Variants in SYT9 observed in about 807,000 individuals in gnomAD.
SYT9 encodes the protein synaptotagmin-9.
Under a neutral mutation model 48.4 loss-of-function variants are expected in SYT9, and 22 were observed. The observed-to-expected ratio is 0.45, with a 90% CI of 0.32 to 0.65. The LOEUF is 0.65. Among genes scored for constraint, SYT9 ranks in the 30% least tolerant of loss-of-function variants. The pLI, the probability that SYT9 is intolerant of heterozygous loss-of-function variation, is 0.03. For synonymous variants in SYT9, 265 were observed against 245.0 expected (o/e 1.08, Z -0.76); for missense variants, 577 against 622.0 (o/e 0.93, Z 0.77).
chr11:7,308,604 A>C (rs72855053), intron 2 of SYT9, among the ~76,000 whole-genome samples: 21,220 of 152,198 alleles, frequency 0.14, 1,911 homozygotes, highest in South Asian at 0.25. Context: ...TGAGGTGGCT[A>C]AGAATGAGGC....
intron 3 of SYT9, among the ~76,000 whole-genome samples, chr11:7,333,091 CT>C (rs2133980506): frequency 6.6e-6 from 1 of 152,260 alleles, no homozygotes; most frequent in East Asian, 1.9e-4. Flanking sequence ...TGTCCAGTAG[CT>C]AAGTGTAGTC....
chr11:7,454,856 AGTG>A (rs1848118784), intron 6 of SYT9, among the ~76,000 whole-genome samples: 1 of 152,210 alleles, frequency 6.6e-6, no homozygotes, highest in Non-Finnish European at 1.5e-5. Flanking sequence ...CCACTCACCA[AGTG>A]GTGAGTTTGC....
At chr11:7,367,072 C>CTTTTTTTTTTTTTTTTTT (rs35502843) in intron 3 of SYT9, among the ~76,000 whole-genome samples, 3 of 53,266 alleles carry the variant, frequency 5.6e-5, no homozygotes, top group Non-Finnish European at 7.2e-5. Context: ...AGGAGACCAT[C>CTTTTTTTTTTTTTTTTTT]TTTTTTTTTT....
intron 3 of SYT9, among the ~76,000 whole-genome samples, chr11:7,334,544 G>A (rs1849600002): frequency 6.6e-6 from 1 of 151,138 alleles, no homozygotes; most frequent in African/African-American, 2.4e-5. Context: ...ATACATTTGT[G>A]AAACCATTTA....
At chr11:7,280,511 T>C (rs901694717) in intron 1 of SYT9, among the ~76,000 whole-genome samples, 1 of 152,268 alleles carries the variant, frequency 6.6e-6, no homozygotes, top group Non-Finnish European at 1.5e-5. Flanking sequence ...ACTTTTCATC[T>C]GTTATTTACA....
intron 3 of SYT9, among the ~76,000 whole-genome samples, chr11:7,315,259 C>G (rs766347384): frequency 3.9e-5 from 6 of 152,150 alleles, no homozygotes; most frequent in Non-Finnish European, 5.9e-5. Flanking sequence ...CACATAAACC[C>G]AACAATGGAT....
rs1296160528 is a variant in SYT9 at position 7,251,942 on chromosome 11, G to C, written c.-245G>C. ...CGGCACCGCCTCTCCTCGGTGTCTG[G>C]GGAGGGACGGAGGGACCGGGCGGGA... On this transcript the variant is annotated 5_prime_UTR_variant, in exon 1 of 7. Coordinates refer to ENST00000318881, the MANE Select transcript of SYT9 (RefSeq NM_175733.4). 1.7e-5 allele frequency: 7 copies of C among 416,284 alleles called. No homozygotes were observed. The highest frequency in any genetic ancestry group is 2.1e-5 in the Non-Finnish European group (5 of 236,528). The allele number at this position is 416,284 out of a possible 1,614,324, so 25.8% of individuals were successfully genotyped here.
intron 3 of SYT9, among the ~76,000 whole-genome samples, chr11:7,355,122 C>T (rs545523570): frequency 1.3e-5 from 2 of 152,330 alleles, no homozygotes; most frequent in East Asian, 3.9e-4. Flanking sequence ...CAACTCTTCT[C>T]ACACACTTCT....
At chr11:7,373,994 A>C (rs1323608801) in intron 3 of SYT9, among the ~76,000 whole-genome samples, 1 of 152,082 alleles carries the variant, frequency 6.6e-6, no homozygotes, top group Non-Finnish European at 1.5e-5. Context: ...ACATAGGTAT[A>C]CATTTGCCAT....
intron 3 of SYT9, among the ~76,000 whole-genome samples, chr11:7,332,258 G>A (rs930501880): frequency 3.3e-5 from 5 of 152,180 alleles, no homozygotes; most frequent in African/African-American, 4.8e-5. Flanking sequence ...GGGGGCCGCC[G>A]TTTTACCCTG....
chr11:7,440,875 C>T (rs974221723), intron 6 of SYT9: 1 of 152,078 alleles, frequency 6.6e-6, no homozygotes, highest in Non-Finnish European at 1.5e-5. Context: ...AAAACTGATA[C>T]CAGGAGGAAG....
chr11:7,363,339 A>C (rs766881713), intron 3 of SYT9, among the ~76,000 whole-genome samples: 9 of 152,182 alleles, frequency 5.9e-5, no homozygotes. Context: ...TGAAAGGAAA[A>C]TGATGTGCTC....
At chr11:7,385,464 C>A (rs1343450666) in intron 3 of SYT9, among the ~76,000 whole-genome samples, 3 of 151,688 alleles carry the variant, frequency 2.0e-5, no homozygotes, top group Non-Finnish European at 2.9e-5. Context: ...CTATAGAGGA[C>A]AACATTTTAG....
At chr11:7,288,200 A>G (rs1416386405) in intron 1 of SYT9, among the ~76,000 whole-genome samples, 1 of 152,106 alleles carries the variant, frequency 6.6e-6, no homozygotes, top group Non-Finnish European at 1.5e-5. Context: ...GCAGTACTCC[A>G]TAGAAGTACT....
At chr11:7,298,352 C>A (rs1233802232) in intron 1 of SYT9, among the ~76,000 whole-genome samples, 1 of 152,164 alleles carries the variant, frequency 6.6e-6, no homozygotes, top group African/African-American at 2.4e-5. Flanking sequence ...GTTACTGCTG[C>A]AGTCACAATT....
At chr11:7,380,570 A>C (rs1478044149) in intron 3 of SYT9, among the ~76,000 whole-genome samples, 3 of 151,620 alleles carry the variant, frequency 2.0e-5, no homozygotes, top group Admixed American at 6.6e-5. Flanking sequence ...ATATATACCT[A>C]CTTTGCACCC....
chr11:7,389,937 C>T (rs1286303412), intron 3 of SYT9, among the ~76,000 whole-genome samples: 2 of 152,052 alleles, frequency 1.3e-5, no homozygotes, highest in East Asian at 3.9e-4. Flanking sequence ...TAATTTTAAC[C>T]TAAACTCTAT....
At chr11:7,398,007 T>A (rs1046284684) in intron 3 of SYT9, among the ~76,000 whole-genome samples, 1 of 152,212 alleles carries the variant, frequency 6.6e-6, no homozygotes, top group Non-Finnish European at 1.5e-5. Context: ...CAGTACAATA[T>A]TGAACAGAAG....
chr11:7,365,198 G>T (rs1850217937), intron 3 of SYT9, among the ~76,000 whole-genome samples: 2 of 151,934 alleles, frequency 1.3e-5, no homozygotes, highest in African/African-American at 4.8e-5. Context: ...AAAAAGCGAT[G>T]AAATTACTAA....
Sources: allele counts gnomAD v4.1 joint callset (sites outside exome capture counted in the v4.1 genomes callset), GRCh38; gene constraint gnomAD v4.1.1; transcripts MANE v1.5; gene names NCBI Gene and HGNC (gene_info 2026-07-23, HGNC 2026-07-21).